ANXA13: variants seen among roughly 807,000 people sequenced by gnomAD.
ANXA13 encodes annexin XIII.
A neutral mutation model predicts 46.6 loss-of-function variants in ANXA13; 36 were observed. The observed-to-expected ratio is 0.77, with a 90% CI of 0.59 to 1.02. The LOEUF (loss-of-function observed/expected upper bound fraction) is 1.02, where lower values mean the gene tolerates loss of function less well. Among genes scored for constraint, ANXA13 ranks in the 50% least tolerant of loss-of-function variants. The pLI is 0.00. For missense variants in ANXA13, 417 were observed against 396.5 expected (o/e 1.05, Z -0.44); for synonymous variants, 163 against 152.9 (o/e 1.07, Z -0.49).
intron 2 of ANXA13, among the ~76,000 whole-genome samples, chr8:123,710,607 A>T (rs906805324): frequency 6.6e-6 from 1 of 151,844 alleles, no homozygotes; most frequent in Admixed American, 6.6e-5. Context: ...GTCTGTCCCC[A>T]CCCCCTCCAG....
At chr8:123,732,519 G>C (rs2129953022) in intron 1 of ANXA13, among the ~76,000 whole-genome samples, 1 of 152,304 alleles carries the variant, frequency 6.6e-6, no homozygotes, top group African/African-American at 2.4e-5. Context: ...TCACGCTGCT[G>C]GGACATGCAG....
intron 1 of ANXA13, among the ~76,000 whole-genome samples, chr8:123,724,557 G>T (rs1057104272): frequency 6.6e-6 from 1 of 152,188 alleles, no homozygotes; most frequent in Non-Finnish European, 1.5e-5. Flanking sequence ...TGTGCTGAAG[G>T]TTTACACAAG....
chr8:123,733,084 A>G (rs1028165299), intron 1 of ANXA13, among the ~76,000 whole-genome samples: 7 of 151,920 alleles, frequency 4.6e-5, no homozygotes, highest in African/African-American at 1.5e-4. Flanking sequence ...GATTGCTTGA[A>G]CCAGGGAGGT....
intron 1 of ANXA13, among the ~76,000 whole-genome samples, chr8:123,724,720 A>G (rs555829158): frequency 1.3e-3 from 198 of 152,210 alleles, no homozygotes; most frequent in Non-Finnish European, 2.2e-3. Flanking sequence ...TAGGAAAGGA[A>G]CTCCTTTTAA....
chr8:123,719,906 G>A (rs1813829297), intron 1 of ANXA13, among the ~76,000 whole-genome samples: 1 of 152,168 alleles, frequency 6.6e-6, no homozygotes, highest in Non-Finnish European at 1.5e-5. Context: ...GCATGGGGTG[G>A]TGTGCGGTGT....
chr8:123,707,434 A>C (rs996235956), intron 2 of ANXA13, among the ~76,000 whole-genome samples: 1 of 152,196 alleles, frequency 6.6e-6, no homozygotes, highest in Non-Finnish European at 1.5e-5. Flanking sequence ...TTAAAAAAAA[A>C]GAGACCAACC....
chr8:123,737,097 G>A (rs1814286457), intron 1 of ANXA13, among the ~76,000 whole-genome samples: 2 of 151,458 alleles, frequency 1.3e-5, no homozygotes. Context: ...CTGACCTCAA[G>A]TAATCCGCCC....
intron 9 of ANXA13, among the ~76,000 whole-genome samples, chr8:123,686,897 C>T (rs1236519744): frequency 6.6e-6 from 1 of 152,182 alleles, no homozygotes; most frequent in Non-Finnish European, 1.5e-5. Context: ...ATTTGTGTGG[C>T]TTATTCTCAA....
At chr8:123,693,401 T>A (rs911881923) in intron 7 of ANXA13, 103 bp from the exon 8 acceptor site, 4 of 1,030,118 alleles carry the variant, frequency 3.9e-6, no homozygotes, top group Non-Finnish European at 4.4e-6. Context: ...AAACTATGCA[T>A]TGAATAGAAG....
At chr8:123,713,327 A>G (rs1813697247) in intron 1 of ANXA13, among the ~76,000 whole-genome samples, 1 of 152,180 alleles carries the variant, frequency 6.6e-6, no homozygotes, top group African/African-American at 2.4e-5. Flanking sequence ...TAGTGTATTG[A>G]GCTGTTTCCC....
chr8:123,725,036 T>G (rs1292209497), intron 1 of ANXA13, among the ~76,000 whole-genome samples: 1 of 152,222 alleles, frequency 6.6e-6, no homozygotes, highest in African/African-American at 2.4e-5. Flanking sequence ...CAGGTCCTTT[T>G]TTAGTCAGAG....
intron 1 of ANXA13, among the ~76,000 whole-genome samples, chr8:123,725,911 C>T (rs1423410923): frequency 1.3e-5 from 2 of 152,128 alleles, no homozygotes; most frequent in African/African-American, 4.8e-5. Flanking sequence ...TGAGCTCTGC[C>T]CACCTTAGTA....
At chr8:123,720,643 G>A (rs939873231) in intron 1 of ANXA13, among the ~76,000 whole-genome samples, 6 of 145,224 alleles carry the variant, frequency 4.1e-5, no homozygotes, top group South Asian at 2.2e-4. Flanking sequence ...AGCTATGAAC[G>A]TTTCCTGTGT....
intron 3 of ANXA13, 107 bp downstream of exon 3, chr8:123,702,535 G>T: frequency 1.2e-6 from 1 of 858,112 alleles, no homozygotes; most frequent in South Asian, 1.6e-5. Context: ...CTCCTGGGCT[G>T]ACTCAATAAA....
intron 10 of ANXA13, among the ~76,000 whole-genome samples, chr8:123,682,351 T>C (rs1813054988): frequency 6.6e-6 from 1 of 152,196 alleles, no homozygotes; most frequent in Admixed American, 6.5e-5. Flanking sequence ...AGACGATACT[T>C]GTACCAGAAA....
chr8:123,697,896 G>A (rs1335140076), intron 4 of ANXA13, among the ~76,000 whole-genome samples: 2 of 152,248 alleles, frequency 1.3e-5, no homozygotes, highest in East Asian at 3.9e-4. Flanking sequence ...GATGACAGAA[G>A]GACACACAAC....
At chr8:123,712,576 A>G in intron 2 of ANXA13, 102 bp downstream of exon 2, 1 of 1,044,276 alleles carries the variant, frequency 9.6e-7, no homozygotes, top group Non-Finnish European at 1.5e-6. Flanking sequence ...CGGAATACAC[A>G]AGATAGTGAG....
chr8:123,682,212 G>A (rs1423749515), intron 10 of ANXA13, among the ~76,000 whole-genome samples: 6 of 152,202 alleles, frequency 3.9e-5, no homozygotes, highest in African/African-American at 1.4e-4. Flanking sequence ...CTAGCAACTT[G>A]TAGGATTTAT....
rs573793283 is a variant in ANXA13, at chr8:123,688,485, G to T, written c.718+386C>A. Among the ~76,000 whole-genome samples the T allele has an allele frequency of 2.2e-4, 34 of 152,280 alleles. 1 individual carries two copies. Among genetic ancestry groups the T allele is most frequent in the African/African-American group, 6.3e-4 (26 of 41,546 alleles). On this transcript the variant is annotated intron_variant, in intron 9 of 10. Transcript: ENST00000419625. ...GCAGGACTGCAATGGATGCTGTGGT[G>T]TGCCACTCAGATGCCCTATTCAGGA... is the stretch of plus-strand genomic sequence containing the variant.
Sources: gnomAD v4.1 joint callset for allele counts (sites outside exome capture counted in the v4.1 genomes callset) on GRCh38, gnomAD v4.1.1 for gene constraint, MANE v1.5 for transcripts, NCBI Gene and HGNC (gene_info 2026-07-23, HGNC 2026-07-21) for gene names.